RHEX: variants seen among roughly 807,000 people sequenced by gnomAD.
RHEX encodes regulator of hemoglobinization and erythroid cell expansion, also known as regulator of hemoglobinization and erythroid cell expansion protein.
In RHEX, 18 loss-of-function variants were observed where a neutral mutation model predicts 20.1. The ratio of observed to expected loss-of-function variants is 0.90; its 90% confidence interval spans 0.62 to 1.33. The LOEUF is 1.33. Ranked by LOEUF, RHEX falls within the 40% of genes most tolerant of loss-of-function variation. The pLI is 0.00. For missense variants in RHEX, 192 were observed against 214.3 expected (o/e 0.90, Z 0.65); for synonymous variants, 87 against 77.1 (o/e 1.13, Z -0.67).
chr1:206,091,982 G>A (rs1662959588), intron 1 of RHEX, among the ~76,000 whole-genome samples: 1 of 152,050 alleles, frequency 6.6e-6, no homozygotes, highest in East Asian at 1.9e-4. Context: ...ATTTGGACAG[G>A]TATTGAGGAG....
At position 206,084,716 on chromosome 1, in the gene RHEX, A is replaced by G. The variant is rs1053959845; in HGVS notation, c.-96-13017A>G. Among the ~76,000 whole-genome samples the G allele has an allele frequency of 2.6e-5, 4 of 152,166 alleles. No individual in the cohort carries two copies. In the East Asian group the frequency reaches 5.8e-4, roughly 22 times the overall value. On this transcript the variant is annotated intron_variant, in intron 1 of 5. Transcript: ENST00000331555. ...AAATGCCTTGAGTAGGATCTGTTAC[A>G]TAATTGGTGGCACACAACGCAAAAT...
In RHEX at chr1:206,088,459, G is replaced by T. The variant is rs185542874; in HGVS notation, c.-96-9274G>T. On this transcript the variant is annotated intron_variant, in intron 1 of 5. Coordinates refer to ENST00000331555, the MANE Select transcript of RHEX (RefSeq NM_001007544.4). ...GCACTTTGGGAGATTGAGGTGGGTG[G>T]ATCACTTGAGGCCAGGAGTTCGAGA... is the stretch of plus-strand genomic sequence containing the variant. Among the ~76,000 whole-genome samples the T allele has an allele frequency of 4.1e-4, 63 of 152,252 alleles. No individual in the cohort carries two copies. The East Asian group carries it at 0.01, about 25-fold the overall frequency.
chr1:206,078,138 C>T (rs1465863702), intron 1 of RHEX, among the ~76,000 whole-genome samples: 1 of 152,186 alleles, frequency 6.6e-6, no homozygotes, highest in Non-Finnish European at 1.5e-5. Context: ...CCCAAGATAT[C>T]TCATTATGTA....
At chr1:206,056,151 C>T (rs1227576818) in intron 1 of RHEX, among the ~76,000 whole-genome samples, 3 of 152,368 alleles carry the variant, frequency 2.0e-5, no homozygotes, top group African/African-American at 4.8e-5. Context: ...CCCAGTTAAA[C>T]ATAACTGTGT....
At chr1:206,087,534 AG>A (rs1553286530) in intron 1 of RHEX, among the ~76,000 whole-genome samples, 1 of 152,186 alleles carries the variant, frequency 6.6e-6, no homozygotes, top group African/African-American at 2.4e-5. Context: ...TGATTTTCCA[AG>A]TGCAAATGAA....
intron 1 of RHEX, among the ~76,000 whole-genome samples, chr1:206,055,437 G>C (rs1553282470): frequency 6.6e-6 from 1 of 152,202 alleles, no homozygotes; most frequent in Non-Finnish European, 1.5e-5. Context: ...AGCCTATTTG[G>C]CTATCCCTTT....
intron 1 of RHEX, among the ~76,000 whole-genome samples, chr1:206,073,805 G>T (rs560923210): frequency 6.6e-6 from 1 of 152,046 alleles, no homozygotes; most frequent in Non-Finnish European, 1.5e-5. Context: ...TAAAACATCC[G>T]TTTAATGGCC....
chr1:206,084,779 T>C (rs560359071), intron 1 of RHEX, among the ~76,000 whole-genome samples: 11 of 152,318 alleles, frequency 7.2e-5, no homozygotes, highest in Admixed American at 2.6e-4. Context: ...TTGTTACGAA[T>C]TTAAAGATGA....
intron 1 of RHEX, among the ~76,000 whole-genome samples, chr1:206,089,564 A>T (rs1168001227): frequency 3.3e-5 from 5 of 152,052 alleles, no homozygotes; most frequent in African/African-American, 1.2e-4. Context: ...ATGACGCTGT[A>T]CAGAGCTCTT....
chr1:206,077,028 G>A (rs1339671300), intron 1 of RHEX, among the ~76,000 whole-genome samples: 16 of 152,204 alleles, frequency 1.1e-4, no homozygotes, highest in Admixed American at 4.6e-4. Flanking sequence ...GGATAAATGC[G>A]TGAATTAAGG....
At chr1:206,086,703 C>T (rs1176590937) in intron 1 of RHEX, among the ~76,000 whole-genome samples, 2 of 152,124 alleles carry the variant, frequency 1.3e-5, no homozygotes, top group Non-Finnish European at 2.9e-5. Context: ...AAACACAAGA[C>T]GTGTGAGTTA....
intron 1 of RHEX, among the ~76,000 whole-genome samples, chr1:206,092,360 T>C (rs1553287143): frequency 6.6e-6 from 1 of 152,216 alleles, no homozygotes; most frequent in Admixed American, 6.5e-5. Context: ...ATTTGTCTTA[T>C]CTAGTCCCGA....
rs756449388 is a variant in RHEX, at chr1:206,093,270, C to CT, written c.-96-4450dup. ...AATTACTTTGATCCATATGATTTTT[C>CT]TTTTTTTTTTTTTCCTTTTCAGACA... is the stretch of plus-strand genomic sequence containing the variant. On this transcript the variant is annotated intron_variant, in intron 1 of 5. Coordinates refer to ENST00000331555, the MANE Select transcript of RHEX (RefSeq NM_001007544.4). 4.6e-3 allele frequency among the ~76,000 whole-genome samples: 673 copies of CT among 145,070 alleles called. 5 individuals are homozygous for CT. The highest frequency in any genetic ancestry group is 0.016 in the South Asian group (75 of 4,568).
intron 1 of RHEX, among the ~76,000 whole-genome samples, chr1:206,077,677 T>C (rs1367907585): frequency 6.6e-6 from 1 of 152,132 alleles, no homozygotes; most frequent in African/African-American, 2.4e-5. Flanking sequence ...GGCAGGAAGA[T>C]TGCTTGAGCC....
In RHEX at chr1:206,098,183, TAAC is replaced by T. The variant is rs782818662; in HGVS notation, c.112+3_112+5del. ...ACTACCTGCTCAGCAGGCACATGGG[TAAC>T]TGGCTCAGCATCCTCTTCCCTCCTA... On this transcript the variant is annotated splice_donor_5th_base_variant and intron_variant, in intron 3 of 5. Transcript: ENST00000331555. 6.2e-7 allele frequency: 1 copy of T among 1,604,108 alleles called. No individual in the cohort carries two copies. The highest frequency in any genetic ancestry group is 2.2e-5 in the East Asian group (1 of 44,848).
chr1:206,086,000 T>C (rs1662830652), intron 1 of RHEX, among the ~76,000 whole-genome samples: 1 of 152,180 alleles, frequency 6.6e-6, no homozygotes, highest in Non-Finnish European at 1.5e-5. Flanking sequence ...GATATGAGAA[T>C]GAAGGTGATC....
At chr1:206,071,708 G>A (rs1662531941) in intron 1 of RHEX, among the ~76,000 whole-genome samples, 2 of 151,752 alleles carry the variant, frequency 1.3e-5, no homozygotes, top group African/African-American at 2.4e-5. Context: ...AAGTAGCCAG[G>A]CCTGGTGGTG....
rs536274364 is a variant in RHEX, at chr1:206,057,282, G to A, written c.-97+4017G>A. On this transcript the variant is annotated intron_variant, in intron 1 of 5. Transcript: ENST00000331555. ...GGAGATCAATGGCCATGGGAAGCCCGAGAATTGGTTCCTATAGACCCGGTT... is the reference window on the plus strand; with the variant it reads ...GGAGATCAATGGCCATGGGAAGCCCAAGAATTGGTTCCTATAGACCCGGTT... Among the ~76,000 whole-genome samples the A allele has an allele frequency of 2.6e-4, 39 of 152,370 alleles. No homozygotes were observed. The East Asian group carries it at 4.6e-3, about 18-fold the overall frequency.
chr1:206,099,313 C>G (rs1004701904), intron 3 of RHEX, among the ~76,000 whole-genome samples: 2 of 150,968 alleles, frequency 1.3e-5, no homozygotes, highest in African/African-American at 4.9e-5. Flanking sequence ...CTAACCCAGG[C>G]AGCTTCCACT....
Sources: allele counts gnomAD v4.1 joint callset (sites outside exome capture counted in the v4.1 genomes callset), GRCh38; gene constraint gnomAD v4.1.1; transcripts MANE v1.5; gene names NCBI Gene and HGNC (gene_info 2026-07-23, HGNC 2026-07-21).